SETX: variants seen among roughly 807,000 people sequenced by gnomAD.
SETX encodes the protein helicase senataxin.
In SETX, 90 loss-of-function variants were observed where a neutral mutation model predicts 227.2. The ratio of observed to expected loss-of-function variants is 0.40; its 90% CI spans 0.33 to 0.47. The LOEUF (loss-of-function observed/expected upper bound fraction) is 0.47, where lower values mean the gene tolerates loss of function less well. SETX is among the 20% of genes least tolerant of loss of function. The pLI is 0.91. For synonymous variants in SETX, 1,210 were observed against 1,113.2 expected (o/e 1.09, Z -1.73); for missense variants, 3,052 against 3,181.5 (o/e 0.96, Z 0.98).
chr9:132,262,786 A>G lies in SETX; in HGVS notation c.*1453T>C, dbSNP rs1283096962. On this transcript the variant is annotated 3_prime_UTR_variant, in exon 26 of 26. Transcript: ENST00000224140. ...AAACCCTTTTTTGCTTAAAAAGCAG[A>G]TGACAAAGGAAATGTCAAATAATGC... 1 of 152,570 alleles carries G rather than the reference A, an allele frequency of 6.6e-6. No homozygotes were observed. Among genetic ancestry groups the G allele is most frequent in the Non-Finnish European group, 1.5e-5 (1 of 68,032 alleles). The allele number at this position is 152,570 out of a possible 1,614,324, so 9.5% of individuals were successfully genotyped here.
intron 18 of SETX, among the ~76,000 whole-genome samples, chr9:132,283,832 ATATTGCCCTGTCTT>A (rs1327079918): frequency 1.3e-5 from 2 of 152,130 alleles, no homozygotes; most frequent in Admixed American, 6.6e-5. Flanking sequence ...TAAGTATATA[ATATTGCCCTGTCTT>A]TTTTTAGTGC....
rs35473230 is a variant in SETX at position 132,328,030 on chromosome 9, T to C, written c.3568A>G (p.Lys1190Glu). ...VRNEGQSDTNKRDLVGNDFKS... is the reference protein window; with the variant it reads ...VRNEGQSDTNERDLVGNDFKS... The stretch of plus-strand genomic sequence containing the variant: ...AAATCATTTCCCACAAGATCTCTCT[T>C]ATTAGTATCAGACTGGCCCTCATTT... The change falls in exon 10 of 26, where the codon AAG (lysine) becomes GAG (glutamate). Residue 1190 changes from lysine to glutamate, a missense_variant. By Grantham distance (56) the Lys-to-Glu change is moderately conservative (BLOSUM62 1). Transcript: ENST00000224140. The C allele has an allele frequency of 6.0e-4, 964 of 1,614,124 alleles. 3 individuals carry two copies. The African/African-American group carries it at 0.012, about 19-fold the overall frequency.
At chr9:132,337,331 T>G (rs1847688763) in intron 5 of SETX, among the ~76,000 whole-genome samples, 1 of 151,288 alleles carries the variant, frequency 6.6e-6, no homozygotes, top group African/African-American at 2.4e-5. Context: ...AAATGAGGAA[T>G]CTCAAAAGAA....
At chr9:132,335,213 A>AC (rs1206334130) in intron 6 of SETX, among the ~76,000 whole-genome samples, 9 of 151,406 alleles carry the variant, frequency 5.9e-5, no homozygotes, top group African/African-American at 1.5e-4. Flanking sequence ...ACATGGTGAA[A>AC]CCCCGTCTCT....
chr9:132,321,578 AC>A (rs1282114081), intron 10 of SETX, among the ~76,000 whole-genome samples: 1 of 143,630 alleles, frequency 7.0e-6, no homozygotes, highest in Non-Finnish European at 1.5e-5. Flanking sequence ...AATGGCATGA[AC>A]CCAGGAGGCG....
intron 15 of SETX, among the ~76,000 whole-genome samples, chr9:132,292,093 A>G (rs11243714): frequency 0.32 from 48,248 of 151,978 alleles, 11,040 homozygotes; most frequent in East Asian, 0.67. Context: ...TTTTCTCCTT[A>G]TACTTTCCTA....
chr9:132,278,591 GA>G (rs1245411871), intron 20 of SETX, among the ~76,000 whole-genome samples: 2 of 151,634 alleles, frequency 1.3e-5, no homozygotes, highest in East Asian at 1.9e-4. Context: ...GAGTAGCTGG[GA>G]TAACAGGAAT....
rs141151486 is a variant in SETX at position 132,308,325 on chromosome 9, G to C, written c.5374+3432C>G. On this transcript the variant is annotated intron_variant, in intron 11 of 25. Transcript: ENST00000224140. ...CTCTAGTTCCAGGTATCAATATACA[G>C]GAAACACACAGAGGACAGAGACACA... is the stretch of plus-strand genomic sequence containing the variant. Among the ~76,000 whole-genome samples the C allele has an allele frequency of 3.2e-4, 49 of 152,264 alleles. 1 individual carries two copies. In the East Asian group the frequency reaches 9.5e-3, roughly 29 times the overall value.
At chr9:132,273,364 T>C (rs915318106) in intron 23 of SETX, among the ~76,000 whole-genome samples, 1 of 152,152 alleles carries the variant, frequency 6.6e-6, no homozygotes, top group South Asian at 2.1e-4. Flanking sequence ...GATTTTACCA[T>C]GTTGGCCAGG....
At chr9:132,301,781 C>T (rs1589680303) in intron 11 of SETX, among the ~76,000 whole-genome samples, 1 of 152,288 alleles carries the variant, frequency 6.6e-6, no homozygotes, top group Non-Finnish European at 1.5e-5. Flanking sequence ...TGTGATTGTA[C>T]ATACAAGAAT....
At chr9:132,320,364 A>G (rs1458616456) in intron 10 of SETX, among the ~76,000 whole-genome samples, 2 of 152,130 alleles carry the variant, frequency 1.3e-5, no homozygotes, top group Admixed American at 1.3e-4. Flanking sequence ...TCACAAGGTC[A>G]GAAGATTGAG....
chr9:132,346,191 A>G (rs184481640), intron 4 of SETX, 70 bp downstream of exon 4: 18 of 1,277,852 alleles, frequency 1.4e-5, no homozygotes, highest in Non-Finnish European at 5.7e-6. Context: ...TGCAATATAG[A>G]TAAGCCTAAA....
chr9:132,266,756 G>A (rs1842671962), intron 25 of SETX, among the ~76,000 whole-genome samples: 1 of 152,066 alleles, frequency 6.6e-6, no homozygotes, highest in Non-Finnish European at 1.5e-5. Flanking sequence ...TGGGCAACAA[G>A]GTGAGGCTCT....
chr9:132,298,658 A>G (rs1844814817), intron 12 of SETX, among the ~76,000 whole-genome samples: 2 of 152,230 alleles, frequency 1.3e-5, no homozygotes. Flanking sequence ...GTAAGGGAGT[A>G]AACAGTACTC....
intron 25 of SETX, 133 bp from the exon 26 acceptor site, chr9:132,265,118 G>A (rs1361487192): frequency 1.4e-5 from 15 of 1,093,274 alleles, no homozygotes; most frequent in South Asian, 2.8e-5. Flanking sequence ...TTCATTACTC[G>A]TCAGACAAGG....
At position 132,264,217 on chromosome 9, in the gene SETX, T is replaced by C. The variant is rs750835127; in HGVS notation, c.*22A>G. ...TCAGTTTACAATATGCTGTGGCTGC[T>C]GGCCCATGTCACTGGGCTTTCCTAT... On this transcript the variant is annotated 3_prime_UTR_variant, in exon 26 of 26. Transcript: ENST00000224140. 1 of 1,613,638 alleles carries C rather than the reference T, an allele frequency of 6.2e-7. No homozygotes were observed. Among genetic ancestry groups the C allele is most frequent in the Non-Finnish European group, 8.5e-7 (1 of 1,180,026 alleles).
At chr9:132,313,983 G>A (rs1845819736) in intron 10 of SETX, among the ~76,000 whole-genome samples, 1 of 151,854 alleles carries the variant, frequency 6.6e-6, no homozygotes, top group Non-Finnish European at 1.5e-5. Context: ...TCTGGCTGGA[G>A]TGCAATGGCA....
chr9:132,333,408 A>AAAATAAATAT (rs1847380194), intron 7 of SETX, among the ~76,000 whole-genome samples: 1 of 72,232 alleles, frequency 1.4e-5, no homozygotes, highest in African/African-American at 6.0e-5. Context: ...GAAAAAAAAA[A>AAAATAAATAT]ATATATATAC....
chr9:132,322,594 C>A (rs1008714247), intron 10 of SETX, among the ~76,000 whole-genome samples: 2 of 152,162 alleles, frequency 1.3e-5, no homozygotes, highest in Non-Finnish European at 2.9e-5. Flanking sequence ...ATTGTATGAA[C>A]AGACCTGTTT....
Sources: allele counts gnomAD v4.1 joint callset (sites outside exome capture counted in the v4.1 genomes callset), GRCh38; gene constraint gnomAD v4.1.1; transcripts MANE v1.5; gene names NCBI Gene and HGNC (gene_info 2026-07-23, HGNC 2026-07-21).